Variants in KIF13A observed in about 807,000 individuals in gnomAD.
KIF13A encodes kinesin family member 13A.
A neutral mutation model predicts 212.2 loss-of-function variants in KIF13A; 79 were observed. That is an observed-to-expected ratio of 0.37 (90% CI 0.31 to 0.45). The LOEUF (loss-of-function observed/expected upper bound fraction) is 0.45, where lower values mean the gene tolerates loss of function less well. Among genes scored for constraint, KIF13A ranks in the 20% least tolerant of loss-of-function variants. The probability of loss-of-function intolerance (pLI) is 1.00; values close to 1 mark genes in which losing one functional copy is unlikely to be tolerated. For synonymous variants in KIF13A, 789 were observed against 808.6 expected, an observed-to-expected ratio of 0.98 and a Z score of 0.41; for missense variants, 1,901 against 2,209.0, an observed-to-expected ratio of 0.86 and a Z score of 2.79.
chr6:17,766,936 G>A (rs1162611782), intron 38 of KIF13A, among the ~76,000 whole-genome samples: 2 of 152,092 alleles, frequency 1.3e-5, no homozygotes, highest in Non-Finnish European at 1.5e-5. Context: ...TAACTTAGTT[G>A]TAAAAATGTG....
In KIF13A at chr6:17,897,279, T is replaced by C. The variant is rs1446337551; in HGVS notation, c.159+889A>G. 6.6e-6 allele frequency among the ~76,000 whole-genome samples: 1 copy of C among 152,176 alleles called. No individual in the cohort carries two copies. Among genetic ancestry groups the C allele is most frequent in the African/African-American group, 2.4e-5 (1 of 41,452 alleles). The stretch of plus-strand genomic sequence containing the variant: ...CTGGATTCCATGCCGTCACCCAACT[T>C]GTCTTAGATTCTGACCATATAATTT... On this transcript the variant is annotated intron_variant, in intron 3 of 38. Transcript: ENST00000259711. This position sits in a 1 kb window ranked among gnomAD's most constrained non-coding sequence, Gnocchi z 4.8.
rs941535101 is a variant in KIF13A at position 17,777,923 on chromosome 6, C to T, written c.4093-569G>A. 5.9e-5 allele frequency among the ~76,000 whole-genome samples: 9 copies of T among 151,992 alleles called. No homozygotes were observed. In the East Asian group the frequency reaches 1.5e-3, roughly 26 times the overall value. ...CTGGGAGGCTGAGGCAGGTGGATCA[C>T]AGACAGGAGTTCGAGACCAGCTGGC... On this transcript the variant is annotated intron_variant, in intron 33 of 38. Coordinates refer to ENST00000259711, the MANE Select transcript of KIF13A (RefSeq NM_022113.6). The surrounding 1 kb of genome is among the most constrained non-coding windows in gnomAD (Gnocchi z 4.4).
intron 16 of KIF13A, among the ~76,000 whole-genome samples, chr6:17,820,863 G>A (rs188014932): frequency 6.6e-6 from 1 of 152,220 alleles, no homozygotes; most frequent in East Asian, 1.9e-4. Context: ...GCTGGTAGCA[G>A]GGTATTCATA....
chr6:17,951,195 C>T lies in KIF13A; in HGVS notation c.146+35859G>A. 8.3e-7 allele frequency: 1 copy of T among 1,211,440 alleles called. No homozygotes were observed. Among genetic ancestry groups the T allele is most frequent in the East Asian group, 3.2e-5 (1 of 31,560 alleles). The allele number at this position is 1,211,440 out of a possible 1,614,324, so 75.0% of individuals were successfully genotyped here. On this transcript the variant is annotated intron_variant, in intron 2 of 38. Transcript: ENST00000259711. This position sits in a 1 kb window ranked among gnomAD's most constrained non-coding sequence, Gnocchi z 4.9. Reference sequence around the variant, plus strand: ...TTGAAGACAGGGTCTGGCTCTGTCACCCAGGCTGGCGTGCAGTGGCTCAAA... The same window carrying T: ...TTGAAGACAGGGTCTGGCTCTGTCATCCAGGCTGGCGTGCAGTGGCTCAAA...
Position 17,963,384 on chromosome 6 carries a change from C to T in KIF13A, c.146+23670G>A, listed in dbSNP as rs141531293. On this transcript the variant is annotated intron_variant, in intron 2 of 38. Transcript: ENST00000259711. The surrounding 1 kb of genome is among the most constrained non-coding windows in gnomAD (Gnocchi z 4.1). Reference sequence around the variant, plus strand: ...AGTGAGCTAAGATCGTGCCGTTGCACTCTAGCCTGGGCAACAAGAGCAAAA... The same window carrying T: ...AGTGAGCTAAGATCGTGCCGTTGCATTCTAGCCTGGGCAACAAGAGCAAAA... 5.3e-4 allele frequency among the ~76,000 whole-genome samples: 81 copies of T among 152,230 alleles called. No homozygotes were observed. The highest frequency in any genetic ancestry group is 1.8e-3 in the African/African-American group (76 of 41,526).
intron 4 of KIF13A, among the ~76,000 whole-genome samples, chr6:17,869,016 A>C (rs866268155): frequency 0.014 from 2,061 of 148,030 alleles, 74 homozygotes; most frequent in African/African-American, 0.05. Flanking sequence ...AAAAAAAAAA[A>C]AAAACACAAA....
intron 3 of KIF13A, among the ~76,000 whole-genome samples, chr6:17,878,582 A>C (rs150338145): frequency 2.1e-3 from 324 of 152,226 alleles, no homozygotes; most frequent in Non-Finnish European, 3.6e-3. Context: ...ATCCAGGTCA[A>C]ACTTAATTTA....
chr6:17,798,879 G>A (rs535128660), intron 22 of KIF13A, among the ~76,000 whole-genome samples: 22 of 152,160 alleles, frequency 1.4e-4, no homozygotes, highest in Admixed American at 9.2e-4. Context: ...GTTAAGATGC[G>A]CAAATTCTGA....
intron 3 of KIF13A, among the ~76,000 whole-genome samples, chr6:17,891,030 A>G (rs1389769320): frequency 6.6e-6 from 1 of 152,124 alleles, no homozygotes; most frequent in African/African-American, 2.4e-5. Context: ...CTACAGTCAC[A>G]CTGAGAAGGA....
intron 2 of KIF13A, among the ~76,000 whole-genome samples, chr6:17,960,002 A>G (rs1778677990): frequency 6.6e-6 from 1 of 151,950 alleles, no homozygotes; most frequent in Non-Finnish European, 1.5e-5. Context: ...AGCCTGGGCA[A>G]TAAGAGCAAA....
intron 2 of KIF13A, among the ~76,000 whole-genome samples, chr6:17,936,859 C>T (rs921700250): frequency 3.3e-4 from 50 of 152,194 alleles, no homozygotes; most frequent in African/African-American, 1.2e-3. Context: ...AAATGAGTAG[C>T]AACAACCAGA....
At chr6:17,985,549 TAA>T (rs1264774589) in intron 2 of KIF13A, among the ~76,000 whole-genome samples, 1 of 145,352 alleles carries the variant, frequency 6.9e-6, no homozygotes, top group Admixed American at 7.4e-5. Flanking sequence ...CAACAGGAGC[TAA>T]AAAGTATTCT....
intron 2 of KIF13A, among the ~76,000 whole-genome samples, chr6:17,975,804 C>G (rs1433284599): frequency 6.6e-6 from 1 of 152,068 alleles, no homozygotes; most frequent in Admixed American, 6.6e-5. Flanking sequence ...TAGCTAGATA[C>G]AGAGTGTCAA....
chr6:17,819,368 G>A (rs1764234612), intron 16 of KIF13A, among the ~76,000 whole-genome samples: 1 of 152,074 alleles, frequency 6.6e-6, no homozygotes, highest in Non-Finnish European at 1.5e-5. Context: ...TTCAAGATCT[G>A]CCTGGCCAAC....
intron 16 of KIF13A, among the ~76,000 whole-genome samples, chr6:17,824,082 A>G (rs907041869): frequency 2.0e-5 from 3 of 151,466 alleles, no homozygotes; most frequent in African/African-American, 7.3e-5. Flanking sequence ...TAACTTTTGT[A>G]TTTTTTGGAG....
chr6:17,835,618 T>TA (rs1765887664), intron 11 of KIF13A, among the ~76,000 whole-genome samples: 1 of 152,060 alleles, frequency 6.6e-6, no homozygotes, highest in Non-Finnish European at 1.5e-5. Context: ...GGGTTGGGGA[T>TA]AAAAAAATCA....
At chr6:17,797,893 G>C (rs116199431) in intron 22 of KIF13A, among the ~76,000 whole-genome samples, 5 of 152,062 alleles carry the variant, frequency 3.3e-5, no homozygotes, top group African/African-American at 1.2e-4. Context: ...GTGAGACATC[G>C]TCTTTAAAAA....
chr6:17,772,001 A>C lies in KIF13A; in HGVS notation c.4383T>G (p.Pro1461=). 6.2e-6 allele frequency: 10 copies of C among 1,613,940 alleles called. No homozygotes were observed. The highest frequency in any genetic ancestry group is 1.3e-5 in the African/African-American group (1 of 75,050). Reference sequence around the variant, plus strand: ...GGGGCTTGAAAAACTTTGGTGGCTGAGGAGAGAATGCTTTAAAAGGGCTGA... The same window carrying C: ...GGGGCTTGAAAAACTTTGGTGGCTGCGGAGAGAATGCTTTAAAAGGGCTGA... ...LTVSPFKAFS[P]QPPKFFKPLM... Residue 1461 remains proline, a synonymous_variant, in exon 37 of 39, where the codon CCT becomes CCG. Coordinates refer to ENST00000259711, the MANE Select transcript of KIF13A (RefSeq NM_022113.6). This position sits in a 1 kb window ranked among gnomAD's most constrained non-coding sequence, Gnocchi z 4.8.
chr6:17,773,143 T>C lies in KIF13A; in HGVS notation c.4324+335A>G, dbSNP rs2150294707. Among the ~76,000 whole-genome samples the C allele has an allele frequency of 6.6e-6, 1 of 152,294 alleles. No individual in the cohort carries two copies. Among genetic ancestry groups the C allele is most frequent in the Non-Finnish European group, 1.5e-5 (1 of 68,018 alleles). On this transcript the variant is annotated intron_variant, in intron 36 of 38. Coordinates refer to ENST00000259711, the MANE Select transcript of KIF13A (RefSeq NM_022113.6). This position sits in a 1 kb window ranked among gnomAD's most constrained non-coding sequence, Gnocchi z 4.2. ...TTAAAAATTCCTTTGAGTACACAAATATGACAGAGCTGGATATTCTGGTAG... is the reference window on the plus strand; with the variant it reads ...TTAAAAATTCCTTTGAGTACACAAACATGACAGAGCTGGATATTCTGGTAG...
Sources: allele counts gnomAD v4.1 joint callset (sites outside exome capture counted in the v4.1 genomes callset), GRCh38; gene constraint gnomAD v4.1.1; non-coding constraint Gnocchi (gnomAD v3.1); transcripts MANE v1.5; gene names NCBI Gene and HGNC (gene_info 2026-07-23, HGNC 2026-07-21).